DUSP16: variants seen among roughly 807,000 people sequenced by gnomAD.
The protein encoded by DUSP16 is dual specificity protein phosphatase 16.
DUSP16 carries 21 observed loss-of-function variants against 58.3 expected under a neutral mutation model. The observed-to-expected ratio is 0.36, with a 90% CI of 0.26 to 0.52. DUSP16 has a LOEUF of 0.52. DUSP16 is among the 20% of genes least tolerant of loss of function. DUSP16 has a pLI of 0.94. For synonymous variants in DUSP16, 320 were observed against 323.8 expected (o/e 0.99, Z 0.12); for missense variants, 726 against 819.0 (o/e 0.89, Z 1.39).
At chr12:12,484,827 C>T (rs943970952) in intron 5 of DUSP16, among the ~76,000 whole-genome samples, 47 of 151,880 alleles carry the variant, frequency 3.1e-4, no homozygotes, top group African/African-American at 1.0e-3. Context: ...GCCAGGCTAT[C>T]GCAAACTCCA....
chr12:12,504,708 A>AG (rs1943963599), intron 3 of DUSP16, among the ~76,000 whole-genome samples: 1 of 139,596 alleles, frequency 7.2e-6, no homozygotes, highest in African/African-American at 2.6e-5. Flanking sequence ...AAAAAAAAAA[A>AG]AAAAGAAAGA....
intron 6 of DUSP16, among the ~76,000 whole-genome samples, chr12:12,479,717 T>TCA (rs1231095449): frequency 1.3e-5 from 2 of 152,074 alleles, no homozygotes; most frequent in Non-Finnish European, 2.9e-5. Context: ...CCAGTCAAAA[T>TCA]CACACACACA....
intron 1 of DUSP16, among the ~76,000 whole-genome samples, chr12:12,538,565 G>A (rs1566040580): frequency 6.6e-6 from 1 of 152,144 alleles, no homozygotes; most frequent in Non-Finnish European, 1.5e-5. Context: ...AATTTTAATA[G>A]GCTCCTGAAA....
In DUSP16 at chr12:12,562,393, C is replaced by T. The variant is rs181032042; in HGVS notation, c.-642G>A. The T allele has an allele frequency of 0.013, 1,995 of 151,732 alleles. 19 individuals are homozygous for T. The highest frequency in any genetic ancestry group is 0.027 in the Middle Eastern group (8 of 294). The allele number at this position is 151,732 out of a possible 1,614,324, so 9.4% of individuals were successfully genotyped here. On this transcript the variant is annotated 5_prime_UTR_variant, in exon 1 of 7. Coordinates refer to ENST00000298573, the MANE Select transcript of DUSP16 (RefSeq NM_030640.3). The stretch of plus-strand genomic sequence containing the variant: ...TCACTCTTTCTCTTCCACCCTCCCC[C>T]CCATCAGCCTTCAAAAAAAATGTCG...
chr12:12,546,264 G>T (rs1207617907), intron 1 of DUSP16, among the ~76,000 whole-genome samples: 1 of 152,146 alleles, frequency 6.6e-6, no homozygotes, highest in Non-Finnish European at 1.5e-5. Flanking sequence ...CTTTACCTGT[G>T]TTTCGTGGTT....
intron 3 of DUSP16, among the ~76,000 whole-genome samples, chr12:12,514,990 T>C (rs1000187101): frequency 3.9e-5 from 6 of 152,106 alleles, no homozygotes; most frequent in African/African-American, 1.4e-4. Context: ...AGATTACCTA[T>C]TGCTCCCAGG....
intron 1 of DUSP16, among the ~76,000 whole-genome samples, chr12:12,541,030 C>A (rs753668407): frequency 9.9e-5 from 14 of 140,748 alleles, no homozygotes; most frequent in Non-Finnish European, 2.1e-4. Context: ...CTGATCATGG[C>A]TCACTGCAGC....
chr12:12,486,492 GTGTGTGT>G (rs1339369933), intron 5 of DUSP16, among the ~76,000 whole-genome samples: 34 of 132,378 alleles, frequency 2.6e-4, no homozygotes, highest in African/African-American at 8.0e-4. Flanking sequence ...GTGTGTGTGT[GTGTGTGT>G]GTGTGTGTGT....
At chr12:12,520,281 G>A (rs1159511853) in intron 2 of DUSP16, among the ~76,000 whole-genome samples, 2 of 152,144 alleles carry the variant, frequency 1.3e-5, no homozygotes, top group South Asian at 2.1e-4. Context: ...CAAACAATAT[G>A]CAAAATAAAC....
At chr12:12,551,985 C>T (rs1944735408) in intron 1 of DUSP16, among the ~76,000 whole-genome samples, 1 of 152,134 alleles carries the variant, frequency 6.6e-6, no homozygotes, top group Admixed American at 6.5e-5. Flanking sequence ...AGCCACTGTG[C>T]CCAGTCAGCT....
intron 4 of DUSP16, among the ~76,000 whole-genome samples, chr12:12,496,682 A>C (rs1341737161): frequency 4.6e-5 from 7 of 152,248 alleles, no homozygotes; most frequent in Admixed American, 4.6e-4. Flanking sequence ...AAAAGCAATC[A>C]AGAACTTTTG....
At chr12:12,561,256 T>C (rs1482736210) in intron 1 of DUSP16, 1 of 152,220 alleles carries the variant, frequency 6.6e-6, no homozygotes, top group Non-Finnish European at 1.5e-5. Context: ...AGAGGTGTGC[T>C]TTCTCCAATC....
At chr12:12,536,184 G>A (rs965334394) in intron 1 of DUSP16, among the ~76,000 whole-genome samples, 10 of 152,168 alleles carry the variant, frequency 6.6e-5, no homozygotes, top group Non-Finnish European at 1.5e-5. Context: ...AGAGCCAAGA[G>A]ACTGTTAATA....
At chr12:12,482,329 C>T (rs563595411) in intron 5 of DUSP16, among the ~76,000 whole-genome samples, 1 of 152,200 alleles carries the variant, frequency 6.6e-6, no homozygotes, top group South Asian at 2.1e-4. Context: ...CAGTAACATG[C>T]GTTACGATGT....
chr12:12,489,586 C>A lies in DUSP16; in HGVS notation c.532-2399G>T, dbSNP rs973665196. 2.0e-5 allele frequency among the ~76,000 whole-genome samples: 3 copies of A among 152,160 alleles called. No individual in the cohort carries two copies. The South Asian group carries it at 6.2e-4, about 31-fold the overall frequency. ...AAGGAATTAGTAATATCCCTATCCA[C>A]TCAATTCAATAATGAAGAAATTACA... On this transcript the variant is annotated intron_variant, in intron 4 of 6. Coordinates refer to ENST00000298573, the MANE Select transcript of DUSP16 (RefSeq NM_030640.3).
At chr12:12,486,479 AGAGT>A (rs1174831005) in intron 5 of DUSP16, among the ~76,000 whole-genome samples, 3 of 107,486 alleles carry the variant, frequency 2.8e-5, no homozygotes, top group East Asian at 3.1e-4. Flanking sequence ...TAACCAAATG[AGAGT>A]GTGTGTGTGT....
chr12:12,500,861 C>G (rs1943898043), intron 3 of DUSP16, among the ~76,000 whole-genome samples, 179 bp from the exon 4 acceptor site: 1 of 152,178 alleles, frequency 6.6e-6, no homozygotes, highest in Admixed American at 6.5e-5. Context: ...TAGGCCTGGC[C>G]TATAACGCTA....
intron 1 of DUSP16, among the ~76,000 whole-genome samples, chr12:12,525,213 A>G (rs896630364): frequency 2.0e-5 from 3 of 152,080 alleles, no homozygotes; most frequent in Non-Finnish European, 2.9e-5. Flanking sequence ...GAATCAATCT[A>G]TATTTCCATG....
At position 12,539,824 on chromosome 12, in the gene DUSP16, G is replaced by A. The variant is rs148040860; in HGVS notation, c.-365-18361C>T. Among the ~76,000 whole-genome samples the A allele has an allele frequency of 9.0e-3, 1,369 of 151,632 alleles. 25 individuals are homozygous for A. Among genetic ancestry groups the A allele is most frequent in the African/African-American group, 0.03 (1,251 of 41,298 alleles). ...CCAGCACTTTGGGAGGCCGAGGCAG[G>A]TGGACCATTTGAGGTCAGGAGTTCA... On this transcript the variant is annotated intron_variant, in intron 1 of 6. Transcript: ENST00000298573.
Sources: gnomAD v4.1 joint callset for allele counts (sites outside exome capture counted in the v4.1 genomes callset) on GRCh38, gnomAD v4.1.1 for gene constraint, MANE v1.5 for transcripts, NCBI Gene and HGNC (gene_info 2026-07-23, HGNC 2026-07-21) for gene names.